The following TIAM1 variants were observed in gnomAD, a reference collection of about 807,000 sequenced individuals.
TIAM1 encodes the protein TIAM Rac1 associated GEF 1, also known as rho guanine nucleotide exchange factor TIAM1.
A neutral mutation model predicts 163.5 loss-of-function variants in TIAM1; 65 were observed. The observed-to-expected ratio is 0.40, with a 90% CI of 0.33 to 0.49. The LOEUF is 0.49. TIAM1 is among the 20% of genes least tolerant of loss of function. The probability of loss-of-function intolerance (pLI) is 0.77; values close to 1 mark genes in which losing one functional copy is unlikely to be tolerated. For missense variants in TIAM1, 1,789 were observed against 2,044.7 expected (o/e 0.87, Z 2.41); for synonymous variants, 833 against 810.1 (o/e 1.03, Z -0.48).
chr21:31,499,010 A>AG (rs1468847142), intron 1 of TIAM1, among the ~76,000 whole-genome samples: 1 of 125,260 alleles, frequency 8.0e-6, no homozygotes, highest in Non-Finnish European at 1.7e-5. Flanking sequence ...AGGGGAGGGG[A>AG]GGGGGAAAGG....
At chr21:31,356,486 C>T (rs1480996474) in intron 2 of TIAM1, among the ~76,000 whole-genome samples, 1 of 152,136 alleles carries the variant, frequency 6.6e-6, no homozygotes, top group Non-Finnish European at 1.5e-5. Flanking sequence ...TGATGGTATT[C>T]TAAGGTGGGG....
In TIAM1 at chr21:31,537,004, G is replaced by A. The variant is rs555289026; in HGVS notation, c.-422+21923C>T. 2.4e-4 allele frequency among the ~76,000 whole-genome samples: 37 copies of A among 152,356 alleles called. No homozygotes were observed. In the South Asian group the frequency reaches 7.7e-3, roughly 32 times the overall value. On this transcript the variant is annotated intron_variant, in intron 1 of 28. Coordinates refer to the TIAM1 transcript ENST00000286827. ...CTGCACTCCCTCAAGAGACTCTGGG[G>A]AAGGATCCTTCCTTGCCTCTTCCAA...
At chr21:31,449,271 G>A (rs1451322636) in intron 2 of TIAM1, among the ~76,000 whole-genome samples, 1 of 151,830 alleles carries the variant, frequency 6.6e-6, no homozygotes, top group Non-Finnish European at 1.5e-5. Flanking sequence ...GGTCAGGATT[G>A]TTATGAGATG....
chr21:31,504,634 C>A (rs1304403914), intron 1 of TIAM1, among the ~76,000 whole-genome samples: 1 of 152,174 alleles, frequency 6.6e-6, no homozygotes, highest in African/African-American at 2.4e-5. Context: ...GGGTAGTTCT[C>A]CAGGTCAATG....
intron 2 of TIAM1, among the ~76,000 whole-genome samples, chr21:31,430,734 T>C (rs566693621): frequency 1.3e-5 from 2 of 152,362 alleles, no homozygotes. Flanking sequence ...AAATTCTTTA[T>C]TGTTTTCTTC....
chr21:31,441,686 A>C (rs1436792404), intron 2 of TIAM1, among the ~76,000 whole-genome samples: 1 of 152,138 alleles, frequency 6.6e-6, no homozygotes, highest in Non-Finnish European at 1.5e-5. Context: ...TATCTTAGAC[A>C]TAGCAAGTAA....
intron 1 of TIAM1, among the ~76,000 whole-genome samples, chr21:31,516,466 C>T (rs1256364780): frequency 1.3e-5 from 2 of 151,990 alleles, no homozygotes; most frequent in African/African-American, 4.8e-5. Context: ...TTGGGAATGA[C>T]ACTGGTTTAT....
intron 1 of TIAM1, among the ~76,000 whole-genome samples, chr21:31,525,928 A>G (rs569892087): frequency 7.3e-4 from 109 of 150,186 alleles, no homozygotes; most frequent in African/African-American, 2.6e-3. Flanking sequence ...CAGCTACTCG[A>G]GAGGCTGAGG....
chr21:31,371,616 A>C (rs1436947237), intron 2 of TIAM1, among the ~76,000 whole-genome samples: 1 of 152,188 alleles, frequency 6.6e-6, no homozygotes, highest in Non-Finnish European at 1.5e-5. Flanking sequence ...TTCAACCTTA[A>C]AAAGAACTAA....
At chr21:31,190,945 A>T (rs2085529125) in intron 13 of TIAM1, among the ~76,000 whole-genome samples, 1 of 152,206 alleles carries the variant, frequency 6.6e-6, no homozygotes, top group African/African-American at 2.4e-5. Flanking sequence ...GTATCTAACC[A>T]GAAGCCACTT....
intron 2 of TIAM1, among the ~76,000 whole-genome samples, chr21:31,289,712 A>G (rs567938305): frequency 1.3e-5 from 2 of 152,334 alleles, no homozygotes; most frequent in East Asian, 3.9e-4. Context: ...CCTAAAAATC[A>G]TAAGAGGATA....
At chr21:31,552,605 C>T (rs1361232678) in intron 1 of TIAM1, among the ~76,000 whole-genome samples, 1 of 152,048 alleles carries the variant, frequency 6.6e-6, no homozygotes, top group Non-Finnish European at 1.5e-5. Context: ...GAAACCCTGC[C>T]TCTCCTAAAA....
At chr21:31,191,171 T>C (rs2085543306) in intron 13 of TIAM1, among the ~76,000 whole-genome samples, 1 of 152,050 alleles carries the variant, frequency 6.6e-6, no homozygotes, top group South Asian at 2.1e-4. Flanking sequence ...CTTTTCTTTT[T>C]TTTTTCTTTG....
chr21:31,555,545 T>C (rs1321723874), intron 1 of TIAM1, among the ~76,000 whole-genome samples: 1 of 152,080 alleles, frequency 6.6e-6, no homozygotes, highest in Non-Finnish European at 1.5e-5. Flanking sequence ...TTCAGCACTT[T>C]CATGAGAATC....
chr21:31,332,253 C>T (rs2075699007), intron 2 of TIAM1, among the ~76,000 whole-genome samples: 1 of 152,098 alleles, frequency 6.6e-6, no homozygotes, highest in South Asian at 2.1e-4. Context: ...CTGAAAGAAA[C>T]AAATAAATAA....
rs1569068886 is a variant in TIAM1, at chr21:31,228,242, A to AG, written c.1585-2293_1585-2292insC. 3.5e-4 allele frequency among the ~76,000 whole-genome samples: 18 copies of AG among 50,720 alleles called. 2 individuals carry two copies. The highest frequency in any genetic ancestry group is 2.0e-3 in the Admixed American group (6 of 3,068). The allele number at this position is 50,720 out of a possible 152,430, so 33.3% of individuals were successfully genotyped here. A position where few individuals can be genotyped will look rare whatever the true frequency, so the allele number is the denominator to read the frequency against. On this transcript the variant is annotated intron_variant, in intron 6 of 27. Transcript: ENST00000541036. ...TTTTAAAAAAAAAAAAAAAAAAAAA[A>AG]AAAAAAAAAAAAAAAAAGGAAGGAA...
chr21:31,259,596 T>C (rs2072331409), intron 4 of TIAM1, among the ~76,000 whole-genome samples: 1 of 151,160 alleles, frequency 6.6e-6, no homozygotes, highest in Admixed American at 6.6e-5. Flanking sequence ...CACTCCAGCC[T>C]GGGAAACACA....
At chr21:31,181,951 A>AT (rs200013783) in intron 15 of TIAM1, among the ~76,000 whole-genome samples, 3,369 of 138,764 alleles carry the variant, frequency 0.024, 190 homozygotes, top group East Asian at 0.24. Context: ...TGCCCAGCTC[A>AT]TTTTTTTTTT....
chr21:31,522,778 T>A (rs149796335), intron 1 of TIAM1, among the ~76,000 whole-genome samples: 1 of 152,172 alleles, frequency 6.6e-6, no homozygotes, highest in Non-Finnish European at 1.5e-5. Flanking sequence ...GGCTATAACA[T>A]ATCAAGAATT....
Sources: gnomAD v4.1 joint callset for allele counts (sites outside exome capture counted in the v4.1 genomes callset) on GRCh38, gnomAD v4.1.1 for gene constraint, MANE v1.5 for transcripts, NCBI Gene and HGNC (gene_info 2026-07-23, HGNC 2026-07-21) for gene names.